The following SLC60A2 variants were observed in gnomAD, a reference collection of about 807,000 sequenced individuals.
SLC60A2 encodes the protein major facilitator superfamily domain containing 4B.
chr6:111,265,960 C>T, the SLC60A2 span: 8 of 1,614,000 alleles, frequency 5.0e-6, no homozygotes, highest in Non-Finnish European at 5.9e-6. Flanking sequence ...GCCTTGGGTG[C>T]CTTTTTGGCT....
chr6:111,268,699 A>G, the SLC60A2 span: 2 of 152,182 alleles, frequency 1.3e-5, no homozygotes, highest in Non-Finnish European at 2.9e-5. Flanking sequence ...CTGTGTGGTA[A>G]TCATATCGTA....
chr6:111,259,538 G>A, the SLC60A2 span: 319 of 603,936 alleles, frequency 5.3e-4, 1 homozygote, highest in African/African-American at 5.7e-3. Flanking sequence ...GAGCCGCCGA[G>A]CTGGAGTTAG....
the SLC60A2 span, chr6:111,266,119 A>T: frequency 3.1e-6 from 5 of 1,614,212 alleles, no homozygotes; most frequent in Non-Finnish European, 4.2e-6. Flanking sequence ...CTGTGGGCTT[A>T]TGCTGTTATC....
At chr6:111,265,894 T>G in the SLC60A2 span, 5 of 1,610,130 alleles carry the variant, frequency 3.1e-6, no homozygotes, top group East Asian at 4.5e-5. Flanking sequence ...GTCCTTATCT[T>G]GGCTATTTGG....
At chr6:111,270,055 G>C in the SLC60A2 span, 1 of 152,094 alleles carries the variant, frequency 6.6e-6, no homozygotes, top group Non-Finnish European at 1.5e-5. Context: ...ACTGAGGTAC[G>C]TGTTTCTTGC....
chr6:111,274,959 A>G, the SLC60A2 span, among the ~76,000 whole-genome samples: 12 of 151,996 alleles, frequency 7.9e-5, no homozygotes, highest in South Asian at 2.1e-4. Flanking sequence ...ATCTCCCTCT[A>G]TTGCCCATCA....
the SLC60A2 span, chr6:111,267,285 C>T: frequency 1.7e-6 from 1 of 597,590 alleles, no homozygotes; most frequent in Admixed American, 3.3e-5. Context: ...TTCCCAGAGT[C>T]TTCCATAAAT....
At chr6:111,262,273 T>C in the SLC60A2 span, 2 of 1,613,976 alleles carry the variant, frequency 1.2e-6, no homozygotes, top group African/African-American at 1.3e-5. Context: ...AGTGTTGCTA[T>C]AGTGGGACCC....
the SLC60A2 span, among the ~76,000 whole-genome samples, chr6:111,271,474 C>T: frequency 6.6e-6 from 1 of 151,900 alleles, no homozygotes; most frequent in African/African-American, 2.4e-5. Flanking sequence ...AAGAAAAATT[C>T]TCCATCAGAT....
the SLC60A2 span, among the ~76,000 whole-genome samples, chr6:111,275,274 T>C: frequency 6.6e-6 from 1 of 152,194 alleles, no homozygotes; most frequent in Non-Finnish European, 1.5e-5. Flanking sequence ...AGAATGTGTT[T>C]AATAGATTCT....
chr6:111,262,110 T>TA, the SLC60A2 span: 1 of 542,142 alleles, frequency 1.8e-6, no homozygotes, highest in South Asian at 4.3e-5. Flanking sequence ...TAGTCAAAAC[T>TA]AAAAAAACAG....
At chr6:111,274,977 C>T in the SLC60A2 span, among the ~76,000 whole-genome samples, 9 of 152,006 alleles carry the variant, frequency 5.9e-5, no homozygotes, top group African/African-American at 2.2e-4. Flanking sequence ...TCATGGAGTG[C>T]AGTGGTGTGA....
At chr6:111,275,008 G>C in the SLC60A2 span, among the ~76,000 whole-genome samples, 1 of 151,516 alleles carries the variant, frequency 6.6e-6, no homozygotes, top group South Asian at 2.1e-4. Flanking sequence ...TTGCAGCTTC[G>C]GACTCCTGGG....
At chr6:111,275,442 CT>C in the SLC60A2 span, among the ~76,000 whole-genome samples, 1 of 147,706 alleles carries the variant, frequency 6.8e-6, no homozygotes, top group Non-Finnish European at 1.5e-5. Flanking sequence ...TGGAGTCTTG[CT>C]CTGTCACCCA....
the SLC60A2 span, chr6:111,266,970 A>G: frequency 1.5e-5 from 24 of 1,614,098 alleles, no homozygotes; most frequent in Non-Finnish European, 2.0e-5. Context: ...TATAATAGAG[A>G]CATCTAGAAG....
chr6:111,277,758 T>G, the SLC60A2 span, among the ~76,000 whole-genome samples: 1 of 152,238 alleles, frequency 6.6e-6, no homozygotes, highest in African/African-American at 2.4e-5. Flanking sequence ...TCTATGTCTT[T>G]GGGGTAATTT....
At chr6:111,265,443 T>C in the SLC60A2 span, 1 of 967,302 alleles carries the variant, frequency 1.0e-6, no homozygotes. Context: ...CATAAGTAAG[T>C]AATTTTCCTC....
chr6:111,279,759 G>C, the SLC60A2 span, among the ~76,000 whole-genome samples: 2 of 151,812 alleles, frequency 1.3e-5, no homozygotes, highest in Admixed American at 1.3e-4. Flanking sequence ...GATCTTGCAG[G>C]TTTATTACAT....
At chr6:111,272,486 T>G in the SLC60A2 span, among the ~76,000 whole-genome samples, 1 of 151,624 alleles carries the variant, frequency 6.6e-6, no homozygotes, top group Non-Finnish European at 1.5e-5. Flanking sequence ...TGTTGAACAC[T>G]AGAACTTCTT....
Sources: allele counts gnomAD v4.1 joint callset (sites outside exome capture counted in the v4.1 genomes callset), GRCh38; gene constraint gnomAD v4.1.1; transcripts MANE v1.5; gene names NCBI Gene and HGNC (gene_info 2026-07-23, HGNC 2026-07-21).